Variants in DNAH10 observed in about 807,000 individuals in gnomAD.
The protein encoded by DNAH10 is axonemal beta dynein heavy chain 10.
DNAH10 carries 348 observed loss-of-function variants against 506.6 expected under a neutral mutation model. That is an observed-to-expected ratio of 0.69 (90% confidence interval 0.63 to 0.75). The LOEUF (loss-of-function observed/expected upper bound fraction) is 0.75. DNAH10 is among the 30% of genes least tolerant of loss of function. The probability of loss-of-function intolerance (pLI) is 0.00; values close to 1 mark genes in which losing one functional copy is unlikely to be tolerated. For missense variants in DNAH10, 5,179 were observed against 5,787.1 expected, an observed-to-expected ratio of 0.89 and a Z score of 3.41; for synonymous variants, 2,059 against 2,198.6, an observed-to-expected ratio of 0.94 and a Z score of 1.78.
chr12:123,848,342 C>T (rs1006234896), intron 33 of DNAH10, among the ~76,000 whole-genome samples: 4 of 152,290 alleles, frequency 2.6e-5, no homozygotes, highest in East Asian at 1.9e-4. Flanking sequence ...GTGAGTAAAG[C>T]GGCCAGCAGA....
At chr12:123,824,494 G>A (rs533642368) in intron 24 of DNAH10, among the ~76,000 whole-genome samples, 25 of 152,262 alleles carry the variant, frequency 1.6e-4, no homozygotes, top group East Asian at 1.9e-4. Context: ...TGGTGCCTTC[G>A]TTTCCTGGGG....
rs1393370977 is a variant in DNAH10, at chr12:123,853,311, A to G, written c.6397A>G (p.Met2133Val). The G allele has an allele frequency of 1.2e-6, 2 of 1,612,460 alleles. No individual in the cohort carries two copies. The highest frequency in any genetic ancestry group is 8.5e-7 in the Non-Finnish European group (1 of 1,179,320). The change falls in exon 36 of 79, where the codon ATG (methionine) becomes GTG (valine). Residue 2133 changes from methionine (M) to valine (V), a missense_variant. By Grantham distance (21) the Met-to-Val change is conservative (BLOSUM62 1). Around this residue, in one of 3 missense-constraint regions of DNAH10, gnomAD observed 4,844 missense variants for 5,430.5 expected, o/e 0.89. Transcript: ENST00000673944. The surrounding 1 kb of genome is among the most constrained non-coding windows in gnomAD (Gnocchi z 4.7). The part of the protein sequence containing the change: ...GLRALKSVLV[M>V]AGELKRGSSD... ...CAGAGCCCTGAAATCGGTGCTGGTC[A>G]TGGCTGGTGAGCTGAAGAGAGGCTC...
At chr12:123,815,281 T>C (rs949243900) in intron 21 of DNAH10, among the ~76,000 whole-genome samples, 2 of 152,236 alleles carry the variant, frequency 1.3e-5, no homozygotes, top group African/African-American at 4.8e-5. Flanking sequence ...GTACTTGGTA[T>C]TTTTAGATGC....
intron 78 of DNAH10, 153 bp downstream of exon 78, chr12:123,934,919 C>T (rs903943808): frequency 1.4e-5 from 14 of 1,018,208 alleles, no homozygotes; most frequent in Middle Eastern, 3.2e-4. Flanking sequence ...ATAAAAGCTA[C>T]GGATAGCTGC....
chr12:123,875,265 T>G lies in DNAH10; in HGVS notation c.7973T>G (p.Leu2658Trp), dbSNP rs1952207305. The change falls in exon 47 of 79, where the codon TTG becomes TGG. Residue 2658 changes from leucine (L) to tryptophan (W), a missense_variant. Leu to Trp is a moderately conservative substitution (Grantham distance 61, BLOSUM62 -2). Transcript: ENST00000673944. Reference protein sequence around the residue: ...DEYGTQQPIALLKLLLEKGYL... With the variant: ...DEYGTQQPIAWLKLLLEKGYL... ...TATGGCACGCAGCAGCCCATTGCCT[T>G]GCTGAAGCTGCTGTTGGAAAAAGGC... The G allele has an allele frequency of 3.1e-6, 5 of 1,612,198 alleles. No individual in the cohort carries two copies. The highest frequency in any genetic ancestry group is 1.1e-5 in the South Asian group (1 of 90,722).
chr12:123,850,924 G>T lies in DNAH10; in HGVS notation c.6139G>T (p.Gly2047Cys). The T allele has an allele frequency of 3.1e-6, 5 of 1,613,650 alleles. No individual in the cohort carries two copies. The highest frequency in any genetic ancestry group is 4.2e-6 in the Non-Finnish European group (5 of 1,179,784). ...GGAGATTTCCCTGGACTCCCGCATG[G>T]GCATCTTCATCACCATGAACCCCGG... is the stretch of plus-strand genomic sequence containing the variant. ...GQEISLDSRM[G>C]IFITMNPGYA... Residue 2047 changes from glycine (G) to cysteine (C), a missense_variant, in exon 35 of 79, where the codon GGC becomes TGC. Physicochemically the swap from Gly to Cys is radical, Grantham distance 159. Coordinates refer to ENST00000673944, the MANE Select transcript of DNAH10 (RefSeq NM_001372106.1). This position sits in a 1 kb window ranked among gnomAD's most constrained non-coding sequence, Gnocchi z 5.5.
intron 6 of DNAH10, among the ~76,000 whole-genome samples, chr12:123,782,679 TGA>T (rs960351601): frequency 6.6e-6 from 1 of 152,028 alleles, no homozygotes; most frequent in African/African-American, 2.4e-5. Flanking sequence ...CTCAAAGTGT[TGA>T]GATTACAGGT....
intron 77 of DNAH10, 80 bp downstream of exon 77, chr12:123,933,591 G>A: frequency 1.4e-6 from 2 of 1,480,388 alleles, no homozygotes; most frequent in Admixed American, 4.3e-5. Context: ...AAAGGGACAG[G>A]CATAGCGTGG....
chr12:123,859,339 AC>A lies in DNAH10; in HGVS notation c.6749+73del, dbSNP rs893283405. 2.4e-5 allele frequency: 29 copies of A among 1,209,572 alleles called. No individual in the cohort carries two copies. The African/African-American group carries it at 3.7e-4, about 15-fold the overall frequency. 74.9% of individuals were successfully genotyped at this position (1,209,572 alleles called of 1,614,324 possible). A position where few individuals can be genotyped will look rare whatever the true frequency, so the allele number is the denominator to read the frequency against. ...ACAGTATATGTTTGGTGCCAGTATT[AC>A]CAAGTCCCACTTTGCTCTCTGATTT... On this transcript the variant is annotated intron_variant, in intron 38 of 78. Transcript: ENST00000673944.
intron 65 of DNAH10, among the ~76,000 whole-genome samples, chr12:123,921,964 C>T (rs1954750384): frequency 6.6e-6 from 1 of 151,904 alleles, no homozygotes. Context: ...ATCTGCCCAC[C>T]CCGGCCTCCC....
chr12:123,818,143 C>T (rs1196867822), intron 21 of DNAH10, among the ~76,000 whole-genome samples: 1 of 151,966 alleles, frequency 6.6e-6, no homozygotes, highest in Non-Finnish European at 1.5e-5. Context: ...TACAGCATTT[C>T]TCCACGTTGG....
At chr12:123,824,879 T>C (rs1353345202) in intron 24 of DNAH10, among the ~76,000 whole-genome samples, 1 of 152,056 alleles carries the variant, frequency 6.6e-6, no homozygotes, top group Non-Finnish European at 1.5e-5. Flanking sequence ...AGACCCTCTT[T>C]CCAAGTGAGG....
intron 28 of DNAH10, among the ~76,000 whole-genome samples, chr12:123,837,757 AT>A (rs994688492): frequency 0.016 from 2,157 of 135,230 alleles, 33 homozygotes; most frequent in African/African-American, 0.045. Context: ...AAAAAAAAAA[AT>A]TTTTTTTTTT....
chr12:123,896,968 A>G (rs1438894557), intron 54 of DNAH10, among the ~76,000 whole-genome samples: 1 of 152,126 alleles, frequency 6.6e-6, no homozygotes, highest in Non-Finnish European at 1.5e-5. Context: ...CATCATCCCA[A>G]ACTGAAACTC....
chr12:123,870,935 A>G (rs1952006739), intron 44 of DNAH10, among the ~76,000 whole-genome samples: 1 of 152,224 alleles, frequency 6.6e-6, no homozygotes, highest in Non-Finnish European at 1.5e-5. Flanking sequence ...GGCTGTTCAG[A>G]TAAAATATAG....
chr12:123,926,735 C>T lies in DNAH10; in HGVS notation c.12020C>T (p.Ala4007Val), dbSNP rs766030951. ...VFILSPGSDPATDLMKLAERS... is the reference protein window; with the variant it reads ...VFILSPGSDPVTDLMKLAERS... The stretch of plus-strand genomic sequence containing the variant: ...ATCCTGAGTCCTGGCTCCGACCCTG[C>T]CACTGATCTTATGAAATTAGCAGAG... Residue 4007 changes from alanine (A) to valine (V), a missense_variant, in exon 69 of 79, where the codon GCC becomes GTC. Physicochemically the swap from Ala to Val is moderately conservative, Grantham distance 64. Coordinates refer to ENST00000673944, the MANE Select transcript of DNAH10 (RefSeq NM_001372106.1). The surrounding 1 kb of genome is among the most constrained non-coding windows in gnomAD (Gnocchi z 4.1). The T allele has an allele frequency of 6.2e-7, 1 of 1,613,988 alleles. No homozygotes were observed. The highest frequency in any genetic ancestry group is 1.1e-5 in the South Asian group (1 of 91,082).
chr12:123,781,864 C>G (rs757194150), intron 6 of DNAH10, among the ~76,000 whole-genome samples: 4 of 152,162 alleles, frequency 2.6e-5, no homozygotes, highest in Non-Finnish European at 4.4e-5. Context: ...CTCCCCTCCC[C>G]CTTTACGTAA....
intron 54 of DNAH10, among the ~76,000 whole-genome samples, chr12:123,897,032 C>T (rs1337865103): frequency 2.6e-5 from 4 of 152,160 alleles, no homozygotes; most frequent in African/African-American, 9.7e-5. Flanking sequence ...CCCTGGCAAC[C>T]TCGAATCTGT....
chr12:123,818,333 TA>T (rs1406657492), intron 21 of DNAH10, among the ~76,000 whole-genome samples: 2 of 152,194 alleles, frequency 1.3e-5, no homozygotes, highest in Non-Finnish European at 2.9e-5. Flanking sequence ...TATTTTACTT[TA>T]TTTTTTTGAG....
Sources: allele counts gnomAD v4.1 joint callset (sites outside exome capture counted in the v4.1 genomes callset), GRCh38; gene constraint gnomAD v4.1.1; regional missense constraint gnomAD v4.1.1; non-coding constraint Gnocchi (gnomAD v3.1); transcripts MANE v1.5; gene names NCBI Gene and HGNC (gene_info 2026-07-23, HGNC 2026-07-21).